ZNRF1: variants seen among roughly 807,000 people sequenced by gnomAD.
ZNRF1 encodes zinc and ring finger 1, also known as E3 ubiquitin-protein ligase ZNRF1.
Under a neutral mutation model 18.4 loss-of-function variants are expected in ZNRF1, and 3 were observed. That is an observed-to-expected ratio of 0.16 (90% CI 0.07 to 0.42). The LOEUF is 0.42. ZNRF1 is among the 10% of genes least tolerant of loss of function. The pLI is 0.99. For missense variants in ZNRF1, 310 were observed against 329.8 expected, an observed-to-expected ratio of 0.94 and a Z score of 0.47; for synonymous variants, 157 against 144.2, an observed-to-expected ratio of 1.09 and a Z score of -0.64.
intron 1 of ZNRF1, among the ~76,000 whole-genome samples, chr16:75,050,694 C>T (rs1458571797): frequency 6.6e-6 from 1 of 151,104 alleles, no homozygotes. Context: ...CGGTGAAACA[C>T]CGTCTCTACT....
intron 2 of ZNRF1, among the ~76,000 whole-genome samples, chr16:75,101,788 G>A (rs1008634881): frequency 5.3e-5 from 8 of 152,234 alleles, no homozygotes; most frequent in Non-Finnish European, 7.3e-5. Flanking sequence ...CACTGTGAAA[G>A]TGTGTGCATC....
intron 1 of ZNRF1, among the ~76,000 whole-genome samples, chr16:75,007,149 T>C (rs2034930479): frequency 6.6e-6 from 1 of 151,710 alleles, no homozygotes; most frequent in South Asian, 2.1e-4. Flanking sequence ...CCTCAGCCTG[T>C]AGGGCTCAAG....
At chr16:75,052,387 C>G (rs1244658461) in intron 1 of ZNRF1, among the ~76,000 whole-genome samples, 1 of 151,062 alleles carries the variant, frequency 6.6e-6, no homozygotes, top group East Asian at 1.9e-4. Flanking sequence ...AGTGACAGAG[C>G]CAGACCCTGT....
intron 1 of ZNRF1, among the ~76,000 whole-genome samples, chr16:75,036,566 T>C (rs1186911219): frequency 1.3e-5 from 2 of 149,558 alleles, no homozygotes; most frequent in East Asian, 1.9e-4. Context: ...TTTCATCTGT[T>C]TCTTTTTTTT....
rs996880281 is a variant in ZNRF1 at position 74,999,483 on chromosome 16, G to C, written c.-189G>C. The stretch of plus-strand genomic sequence containing the variant: ...TTGAAATTCTGAGTTTGGGATCCCC[G>C]CCCGCCCGCCTGCCTCTTCCGCCCC... On this transcript the variant is annotated 5_prime_UTR_variant, in exon 1 of 5. Coordinates refer to ENST00000335325, the MANE Select transcript of ZNRF1 (RefSeq NM_032268.5). 2.4e-6 allele frequency: 1 copy of C among 423,370 alleles called. No homozygotes were observed. 26.2% of individuals were successfully genotyped at this position (423,370 alleles called of 1,614,324 possible).
intron 1 of ZNRF1, among the ~76,000 whole-genome samples, chr16:75,024,428 A>G (rs1326159145): frequency 6.6e-6 from 1 of 152,258 alleles, no homozygotes; most frequent in Non-Finnish European, 1.5e-5. Flanking sequence ...GTAAAAGTTC[A>G]GTAAATATAC....
At chr16:75,068,819 C>A (rs1447077921) in intron 1 of ZNRF1, among the ~76,000 whole-genome samples, 1 of 152,110 alleles carries the variant, frequency 6.6e-6, no homozygotes, top group African/African-American at 2.4e-5. Flanking sequence ...GTAGCCAAGG[C>A]CCGAGAACAC....
chr16:75,064,332 A>T (rs1353166615), intron 1 of ZNRF1, among the ~76,000 whole-genome samples: 4 of 151,502 alleles, frequency 2.6e-5, no homozygotes, highest in Non-Finnish European at 5.9e-5. Flanking sequence ...ATAAACAAGA[A>T]AACTCCTGAG....
intron 1 of ZNRF1, among the ~76,000 whole-genome samples, chr16:75,043,162 G>A (rs151091764): frequency 1.3e-4 from 20 of 152,284 alleles, no homozygotes; most frequent in Non-Finnish European, 1.5e-4. Flanking sequence ...TTTTAAAGCC[G>A]TATTTATACC....
At chr16:75,106,377 A>G in intron 3 of ZNRF1, 105 bp from the exon 4 acceptor site, 1 of 1,164,522 alleles carries the variant, frequency 8.6e-7, no homozygotes, top group Non-Finnish European at 1.3e-6. Context: ...CTTTCAGAAG[A>G]GACTTAGGAA....
chr16:75,106,468 C>T lies in ZNRF1; in HGVS notation c.627-14C>T, dbSNP rs367545954. 2.1e-5 allele frequency: 34 copies of T among 1,613,958 alleles called. No homozygotes were observed. Among genetic ancestry groups the T allele is most frequent in the Non-Finnish European group, 2.6e-5 (31 of 1,179,940 alleles). On this transcript the variant is annotated splice_polypyrimidine_tract_variant and intron_variant, in intron 3 of 4. Transcript: ENST00000335325. ...GCAGGTAACGTGGTTTCCCTTGCGG[C>T]CCCCTCCTCCCAGCTGCATAGACTC...
chr16:75,055,606 T>A (rs2063596926), intron 1 of ZNRF1, among the ~76,000 whole-genome samples: 1 of 152,172 alleles, frequency 6.6e-6, no homozygotes, highest in African/African-American at 2.4e-5. Context: ...CACAGAGCAT[T>A]GTGGACACAC....
Position 75,000,040 on chromosome 16 carries a change from G to C in ZNRF1, c.369G>C (p.Ser123=), listed in dbSNP as rs767932429. 1.2e-5 allele frequency: 19 copies of C among 1,598,260 alleles called. No homozygotes were observed. Among genetic ancestry groups the C allele is most frequent in the Admixed American group, 1.8e-5 (1 of 57,100 alleles). ...TGCTGTACCTGGGCTCCCGAGCCTC[G>C]CTGGCGGATGCTCTACCTCTGCACA... is the stretch of plus-strand genomic sequence containing the variant. The part of the protein sequence containing the change: ...DGMLYLGSRA[S]LADALPLHIA... Residue 123 remains serine (S), a synonymous_variant, in exon 1 of 5, where the codon TCG becomes TCC. Coordinates refer to ENST00000335325, the MANE Select transcript of ZNRF1 (RefSeq NM_032268.5).
intron 1 of ZNRF1, among the ~76,000 whole-genome samples, chr16:75,053,554 A>C (rs963873035): frequency 2.9e-5 from 4 of 137,844 alleles, no homozygotes; most frequent in African/African-American, 1.1e-4. Flanking sequence ...ACACCATTGC[A>C]CTCCAGCCTT....
chr16:75,008,245 C>G (rs972745603), intron 1 of ZNRF1, among the ~76,000 whole-genome samples: 15 of 152,180 alleles, frequency 9.9e-5, no homozygotes, highest in African/African-American at 2.4e-4. Context: ...AAGGTAGGTT[C>G]AACCAGGAAC....
intron 1 of ZNRF1, among the ~76,000 whole-genome samples, chr16:75,017,001 G>C (rs977320341): frequency 2.0e-5 from 3 of 152,088 alleles, no homozygotes; most frequent in Non-Finnish European, 4.4e-5. Context: ...GTTTAAAGCT[G>C]GTATTCTTTT....
rs1345685104 is a variant in ZNRF1, at chr16:75,021,423, C to T, written c.424+21328C>T. On this transcript the variant is annotated intron_variant, in intron 1 of 4. Coordinates refer to ENST00000335325, the MANE Select transcript of ZNRF1 (RefSeq NM_032268.5). Reference sequence around the variant, plus strand: ...TTATTTGAATTCACTCACCTGCTTGCCAACTTTTTTGCCTTCCCTTCCTTC... The same window carrying T: ...TTATTTGAATTCACTCACCTGCTTGTCAACTTTTTTGCCTTCCCTTCCTTC... 2.6e-5 allele frequency among the ~76,000 whole-genome samples: 4 copies of T among 152,198 alleles called. No homozygotes were observed. In the East Asian group the frequency reaches 5.8e-4, roughly 22 times the overall value.
intron 1 of ZNRF1, among the ~76,000 whole-genome samples, chr16:75,072,341 C>T (rs543217094): frequency 1.4e-4 from 22 of 152,142 alleles, no homozygotes; most frequent in Non-Finnish European, 2.8e-4. Flanking sequence ...ACTGTCACCC[C>T]AACCCACTGG....
chr16:75,047,547 T>C (rs2035531487), intron 1 of ZNRF1, among the ~76,000 whole-genome samples: 1 of 152,246 alleles, frequency 6.6e-6, no homozygotes, highest in Non-Finnish European at 1.5e-5. Flanking sequence ...AACACTTTTG[T>C]GTCTGTTTGT....
Sources: allele counts gnomAD v4.1 joint callset (sites outside exome capture counted in the v4.1 genomes callset), GRCh38; gene constraint gnomAD v4.1.1; transcripts MANE v1.5; gene names NCBI Gene and HGNC (gene_info 2026-07-23, HGNC 2026-07-21).